The following FRMD4A variants were observed in gnomAD, a reference collection of about 807,000 sequenced individuals.
FRMD4A encodes FERM domain containing 4A.
A neutral mutation model predicts 129.1 loss-of-function variants in FRMD4A; 29 were observed. That is an observed-to-expected ratio of 0.22 (90% CI 0.17 to 0.31). FRMD4A has a LOEUF of 0.31. Ranked by LOEUF, FRMD4A falls within the 10% of genes least tolerant of loss-of-function variation. The pLI, the probability that FRMD4A is intolerant of heterozygous loss-of-function variation, is 1.00. For missense variants in FRMD4A, 1,272 were observed against 1,375.8 expected (o/e 0.92, Z 1.19); for synonymous variants, 634 against 571.6 (o/e 1.11, Z -1.56).
intron 2 of FRMD4A, among the ~76,000 whole-genome samples, chr10:14,128,775 A>G (rs1839068075): frequency 6.6e-6 from 1 of 152,200 alleles, no homozygotes; most frequent in South Asian, 2.1e-4. Flanking sequence ...CACCATTATC[A>G]TCATCACTGT....
intron 2 of FRMD4A, among the ~76,000 whole-genome samples, chr10:13,970,302 C>T (rs1301229503): frequency 6.6e-6 from 1 of 152,130 alleles, no homozygotes; most frequent in African/African-American, 2.4e-5. Flanking sequence ...CCCCGCCTGC[C>T]CAGGGGCAGG....
At chr10:14,050,116 G>GTTTTCCAT (rs1191537181) in intron 2 of FRMD4A, among the ~76,000 whole-genome samples, 1 of 152,174 alleles carries the variant, frequency 6.6e-6, no homozygotes, top group Non-Finnish European at 1.5e-5. Flanking sequence ...ATAAAATGGG[G>GTTTTCCAT]CTAATGACAT....
intron 2 of FRMD4A, among the ~76,000 whole-genome samples, chr10:14,260,383 C>T (rs150527526): frequency 1.3e-5 from 2 of 152,310 alleles, no homozygotes; most frequent in African/African-American, 2.4e-5. Flanking sequence ...ATTGACACCA[C>T]ATGGTGGCTG....
rs576478305 is a variant in FRMD4A at position 13,925,558 on chromosome 10, G to A, written c.46-66646C>T. Among the ~76,000 whole-genome samples the A allele has an allele frequency of 5.6e-5, 6 of 108,032 alleles. No individual in the cohort carries two copies. In the South Asian group the frequency reaches 2.3e-3, roughly 42 times the overall value. The allele number at this position is 108,032 out of a possible 152,430, so 70.9% of individuals were successfully genotyped here. ...GGGCCCAGTGAAAGTTTCTATTGTA[G>A]TGAAACGCTTTTTTTTTTTTTTTTT... On this transcript the variant is annotated intron_variant, in intron 2 of 24. Transcript: ENST00000357447.
intron 2 of FRMD4A, among the ~76,000 whole-genome samples, chr10:13,985,996 G>A (rs951308837): frequency 1.3e-5 from 2 of 152,178 alleles, no homozygotes; most frequent in African/African-American, 4.8e-5. Flanking sequence ...GCAGCCACCC[G>A]TGGCTTTGGT....
intron 11 of FRMD4A, among the ~76,000 whole-genome samples, chr10:13,739,561 C>G (rs554162474): frequency 6.6e-6 from 1 of 152,304 alleles, no homozygotes; most frequent in East Asian, 1.9e-4. Context: ...AAATCACAAG[C>G]CCTGCTTTTG....
At chr10:13,987,114 T>G (rs1362295614) in intron 2 of FRMD4A, among the ~76,000 whole-genome samples, 2 of 152,154 alleles carry the variant, frequency 1.3e-5, no homozygotes, top group Admixed American at 6.5e-5. Context: ...GTTCTTGGAC[T>G]TAGGGTGATT....
chr10:13,869,093 G>T (rs945667130), intron 2 of FRMD4A, among the ~76,000 whole-genome samples: 27 of 152,306 alleles, frequency 1.8e-4, no homozygotes, highest in Non-Finnish European at 2.8e-4. Context: ...AGGAAATTCG[G>T]TTTTCTCTGA....
At chr10:13,936,180 G>T (rs2095247725) in intron 2 of FRMD4A, among the ~76,000 whole-genome samples, 1 of 152,194 alleles carries the variant, frequency 6.6e-6, no homozygotes, top group Admixed American at 6.5e-5. Flanking sequence ...GTATAATCCA[G>T]GAAAGCTTCC....
At position 13,662,387 on chromosome 10, in the gene FRMD4A, AC is replaced by A. The variant is rs569982380; in HGVS notation, c.1660+1065del. Among the ~76,000 whole-genome samples the A allele has an allele frequency of 2.6e-5, 4 of 152,140 alleles. No individual in the cohort carries two copies. In the East Asian group the frequency reaches 7.7e-4, roughly 29 times the overall value. ...ATCATTATTACTATGACTAGTGTGG[AC>A]CTTTCATGCTTTCCATCTGAACAGC... On this transcript the variant is annotated intron_variant, in intron 19 of 24. Coordinates refer to ENST00000357447, the MANE Select transcript of FRMD4A (RefSeq NM_018027.5).
chr10:14,181,094 T>C (rs1841897898), intron 2 of FRMD4A, among the ~76,000 whole-genome samples: 1 of 152,192 alleles, frequency 6.6e-6, no homozygotes, highest in Non-Finnish European at 1.5e-5. Context: ...CCTTGGAGAC[T>C]TTTCCCTTCA....
chr10:13,849,990 G>A (rs895089119), intron 3 of FRMD4A, among the ~76,000 whole-genome samples: 1 of 151,816 alleles, frequency 6.6e-6, no homozygotes, highest in East Asian at 2.0e-4. Flanking sequence ...CCAACATGGT[G>A]AAATCCCGCC....
chr10:13,667,452 C>T (rs986280360), intron 17 of FRMD4A: 2 of 151,776 alleles, frequency 1.3e-5, no homozygotes, highest in African/African-American at 4.8e-5. Context: ...AGATTCTCCT[C>T]AGAGTTTTGG....
chr10:14,154,268 C>T (rs1354293442), intron 2 of FRMD4A, among the ~76,000 whole-genome samples: 1 of 152,118 alleles, frequency 6.6e-6, no homozygotes, highest in Non-Finnish European at 1.5e-5. Flanking sequence ...GGAGCCAAAG[C>T]TGAAGACGAG....
chr10:13,917,611 T>C (rs1424125178), intron 2 of FRMD4A, among the ~76,000 whole-genome samples: 1 of 152,130 alleles, frequency 6.6e-6, no homozygotes, highest in Non-Finnish European at 1.5e-5. Context: ...TTTAATAATA[T>C]ACACACACTG....
chr10:14,166,759 G>A (rs1242636787), intron 2 of FRMD4A, among the ~76,000 whole-genome samples: 1 of 152,164 alleles, frequency 6.6e-6, no homozygotes, highest in Non-Finnish European at 1.5e-5. Context: ...CTGCCTGATT[G>A]CCTTCACTCT....
chr10:13,693,694 T>C, intron 15 of FRMD4A: 1 of 724,004 alleles, frequency 1.4e-6, no homozygotes, highest in Non-Finnish European at 2.4e-6. Flanking sequence ...GCTTTTTTTT[T>C]TTTTTTTCCC....
chr10:14,237,323 A>G (rs542002659), intron 2 of FRMD4A, among the ~76,000 whole-genome samples: 80 of 148,150 alleles, frequency 5.4e-4, no homozygotes, highest in Middle Eastern at 6.9e-3. Context: ...ATGGGGCATC[A>G]ATTTCTCTTT....
Position 14,215,829 on chromosome 10 carries a change from A to G in FRMD4A, c.45+114229T>C, listed in dbSNP as rs186316905. ...AGCCTACCGTGAAATTAACTATTTC[A>G]CACTTTTTAAGAACTTTGTCATGGG... On this transcript the variant is annotated intron_variant, in intron 2 of 24. Coordinates refer to ENST00000357447, the MANE Select transcript of FRMD4A (RefSeq NM_018027.5). Among the ~76,000 whole-genome samples, 145 of 152,288 alleles carry G rather than the reference A, an allele frequency of 9.5e-4. 1 individual carries two copies. The highest frequency in any genetic ancestry group is 2.8e-3 in the African/African-American group (115 of 41,566).
Sources: gnomAD v4.1 joint callset for allele counts (sites outside exome capture counted in the v4.1 genomes callset) on GRCh38, gnomAD v4.1.1 for gene constraint, MANE v1.5 for transcripts, NCBI Gene and HGNC (gene_info 2026-07-23, HGNC 2026-07-21) for gene names.